Variants in NUP107 observed in about 807,000 individuals in gnomAD.
NUP107 encodes nuclear pore complex protein Nup107.
A neutral mutation model predicts 141.0 loss-of-function variants in NUP107; 101 were observed. The observed-to-expected ratio is 0.72, with a 90% CI of 0.61 to 0.84. NUP107 has a LOEUF of 0.84. NUP107 is among the 40% of genes least tolerant of loss of function. The probability of loss-of-function intolerance (pLI) is 0.00; values close to 1 mark genes in which losing one functional copy is unlikely to be tolerated. For missense variants in NUP107, 941 were observed against 1,102.7 expected (o/e 0.85, Z 2.08); for synonymous variants, 319 against 363.9 (o/e 0.88, Z 1.41).
Position 68,702,757 on chromosome 12 carries a change from A to G in NUP107, c.702A>G (p.Leu234=). 1 of 1,548,628 alleles carries G rather than the reference A, an allele frequency of 6.5e-7. No individual in the cohort carries two copies. Among genetic ancestry groups the G allele is most frequent in the South Asian group, 1.3e-5 (1 of 79,498 alleles). Residue 234 remains leucine (L), a synonymous_variant, in exon 8 of 28, where the codon TTA becomes TTG. Transcript: ENST00000229179. ...SLYRDRIQSA[L]EEESVFAVTA... is the part of the protein sequence containing the mutation. ...CCAGAGACAGAATACAGTCTGCATT[A>G]GAAGAGGAAAGTGTATTCGCAGTTA...
chr12:68,725,837 G>GTTTTTTTTTTTTT, intron 18 of NUP107, 41 bp downstream of exon 18: 1 of 620,186 alleles, frequency 1.6e-6, no homozygotes, highest in African/African-American at 2.2e-5. Flanking sequence ...TTTTGTGTGT[G>GTTTTTTTTTTTTT]TTTTTTTTTT....
intron 17 of NUP107, among the ~76,000 whole-genome samples, chr12:68,724,268 G>C (rs1877467037): frequency 6.6e-6 from 1 of 151,818 alleles, no homozygotes; most frequent in Non-Finnish European, 1.5e-5. Context: ...AATTAATCCA[G>C]GGTTTCAAGC....
At chr12:68,706,592 T>C (rs1007461539) in intron 8 of NUP107, 3 of 692,616 alleles carry the variant, frequency 4.3e-6, no homozygotes, top group African/African-American at 1.8e-5. Context: ...AGGATGAGAT[T>C]GAGGGCCTCA....
intron 17 of NUP107, 133 bp from the exon 18 acceptor site, chr12:68,725,594 C>A: frequency 1.7e-6 from 1 of 577,282 alleles, no homozygotes; most frequent in Non-Finnish European, 3.0e-6. Flanking sequence ...TTTGATCTTT[C>A]TAAGGCCCTT....
rs188470121 is a variant in NUP107, at chr12:68,698,707, A to G, written c.552+1785A>G. The stretch of plus-strand genomic sequence containing the variant: ...ATTTGAAAAGGCTACATATTATATG[A>G]TTACAACTATATGACATTCTGGAAA... On this transcript the variant is annotated intron_variant, in intron 6 of 27. Transcript: ENST00000229179. Among the ~76,000 whole-genome samples the G allele has an allele frequency of 3.3e-5, 5 of 152,334 alleles. No homozygotes were observed. The East Asian group carries it at 7.7e-4, about 23-fold the overall frequency.
intron 5 of NUP107, 32 bp downstream of exon 5, chr12:68,692,144 C>T (rs897927519): frequency 4.6e-6 from 7 of 1,536,180 alleles, no homozygotes; most frequent in Non-Finnish European, 6.1e-6. Flanking sequence ...TGACAAGTAG[C>T]TTTTCACTTT....
chr12:68,700,606 G>T (rs1368818330), intron 6 of NUP107, 120 bp from the exon 7 acceptor site: 3 of 560,686 alleles, frequency 5.4e-6, no homozygotes, highest in African/African-American at 2.0e-5. Context: ...AATAGAGAAG[G>T]CAATTTTATA....
At chr12:68,727,426 C>T in intron 20 of NUP107, 37 bp downstream of exon 20, 1 of 1,231,862 alleles carries the variant, frequency 8.1e-7, no homozygotes, top group Non-Finnish European at 1.2e-6. Context: ...TTGTTTTTTA[C>T]TATTTTAATG....
chr12:68,700,913 T>C, intron 7 of NUP107, 60 bp downstream of exon 7: 1 of 1,436,940 alleles, frequency 7.0e-7, no homozygotes, highest in Non-Finnish European at 9.2e-7. Flanking sequence ...AACAGGCAAA[T>C]TAATTTAAAA....
At chr12:68,716,939 C>A (rs2136027117) in intron 12 of NUP107, among the ~76,000 whole-genome samples, 1 of 152,082 alleles carries the variant, frequency 6.6e-6, no homozygotes, top group South Asian at 2.1e-4. Flanking sequence ...GCTCTGTCAC[C>A]CAGGCTGGAG....
intron 20 of NUP107, among the ~76,000 whole-genome samples, chr12:68,728,719 CTT>C (rs34454032): frequency 4.6e-5 from 6 of 131,000 alleles, no homozygotes; most frequent in East Asian, 2.2e-4. Flanking sequence ...CTGGACCTGT[CTT>C]TTTTTTTTTT....
In NUP107 at chr12:68,715,634, A is replaced by T. The variant is rs770246708; in HGVS notation, c.977A>T (p.Asp326Val). The change falls in exon 12 of 28, where the codon GAT (aspartate) becomes GTT (valine). Residue 326 changes from aspartate to valine, a missense_variant. Transcript: ENST00000229179. Reference protein sequence around the residue: ...VRPLVTELDPDAPIRQKMPLD... With the variant: ...VRPLVTELDPVAPIRQKMPLD... ...TTTTTTTTCTTCTTACAGGACCCTG[A>T]TGCTCCCATAAGACAGAAAATGCCC... is the stretch of plus-strand genomic sequence containing the variant. The T allele has an allele frequency of 2.5e-6, 4 of 1,602,534 alleles. No homozygotes were observed. Among genetic ancestry groups the T allele is most frequent in the Non-Finnish European group, 8.5e-7 (1 of 1,169,628 alleles).
intron 11 of NUP107, among the ~76,000 whole-genome samples, chr12:68,714,743 A>G (rs1877025516): frequency 1.3e-5 from 2 of 152,250 alleles, no homozygotes; most frequent in Admixed American, 1.3e-4. Flanking sequence ...TTAGAAGCAC[A>G]TGGAAAAAAG....
Position 68,696,093 on chromosome 12 carries a change from C to T in NUP107, c.449-726C>T, listed in dbSNP as rs902693613. Among the ~76,000 whole-genome samples the T allele has an allele frequency of 4.0e-5, 6 of 151,696 alleles. No homozygotes were observed. The South Asian group carries it at 6.2e-4, about 16-fold the overall frequency. On this transcript the variant is annotated intron_variant, in intron 5 of 27. Coordinates refer to ENST00000229179, the MANE Select transcript of NUP107 (RefSeq NM_020401.4). ...TTAAAAAAAATTTTGAGGCTGGGTG[C>T]GGTGGCTCACGCTTATAATCCCAAC...
In NUP107 at chr12:68,719,444, A is replaced by C; in HGVS notation, c.1174+13A>C. 6.2e-7 allele frequency: 1 copy of C among 1,609,682 alleles called. No homozygotes were observed. Among genetic ancestry groups the C allele is most frequent in the Non-Finnish European group, 8.5e-7 (1 of 1,176,180 alleles). ...AATGTTAATGGAGGTATTTTAGTAGATTTTATTCTGACAGTTGAGGACAAA... is the reference window on the plus strand; with the variant it reads ...AATGTTAATGGAGGTATTTTAGTAGCTTTTATTCTGACAGTTGAGGACAAA... On this transcript the variant is annotated intron_variant, in intron 13 of 27. Coordinates refer to ENST00000229179, the MANE Select transcript of NUP107 (RefSeq NM_020401.4).
In NUP107 at chr12:68,715,749, T is replaced by C. The variant is rs201959268; in HGVS notation, c.1083+9T>C. ...CTGGAATGACAGAAGAGGTCAGTCA[T>C]GTATACCCTTCTTGTCTAATTTCAA... On this transcript the variant is annotated intron_variant, in intron 12 of 27. Coordinates refer to ENST00000229179, the MANE Select transcript of NUP107 (RefSeq NM_020401.4). 4 of 1,499,750 alleles carry C rather than the reference T, an allele frequency of 2.7e-6. No homozygotes were observed. Among genetic ancestry groups the C allele is most frequent in the East Asian group, 2.3e-5 (1 of 44,300 alleles). The allele number at this position is 1,499,750 out of a possible 1,614,324, so 92.9% of individuals were successfully genotyped here.
Position 68,726,620 on chromosome 12 carries a change from A to G in NUP107, c.1695+3A>G, listed in dbSNP as rs1337602669. 4 of 1,561,836 alleles carry G rather than the reference A, an allele frequency of 2.6e-6. No individual in the cohort carries two copies. The Admixed American group carries it at 6.7e-5, about 26-fold the overall frequency. ...GTACTCTGGGACTACAGACCAAGGT[A>G]TATAAAAATGAACGATTTCTTCTTC... is the stretch of plus-strand genomic sequence containing the variant. On this transcript the variant is annotated splice_donor_region_variant and intron_variant, in intron 19 of 27. Transcript: ENST00000229179.
At position 68,742,618 on chromosome 12, in the gene NUP107, G is replaced by A; in HGVS notation, c.*156G>A. ...ATTATCGTGACACTTTCAACATGTA[G>A]GGATATCAGCGTTTCTCTGTGTGCT... On this transcript the variant is annotated 3_prime_UTR_variant, in exon 28 of 28. Coordinates refer to ENST00000229179, the MANE Select transcript of NUP107 (RefSeq NM_020401.4). 2.4e-6 allele frequency: 1 copy of A among 408,168 alleles called. No homozygotes were observed. Among genetic ancestry groups the A allele is most frequent in the South Asian group, 6.2e-5 (1 of 16,052 alleles). The allele number at this position is 408,168 out of a possible 1,614,324, so 25.3% of individuals were successfully genotyped here. A position where few individuals can be genotyped will look rare whatever the true frequency, so the allele number is the denominator to read the frequency against.
intron 15 of NUP107, 22 bp from the exon 16 acceptor site, chr12:68,721,819 C>T: frequency 1.9e-6 from 3 of 1,606,030 alleles, no homozygotes; most frequent in Non-Finnish European, 2.5e-6. Context: ...CTATATGTTT[C>T]TGTTTTGTAA....
Sources: allele counts gnomAD v4.1 joint callset (sites outside exome capture counted in the v4.1 genomes callset), GRCh38; gene constraint gnomAD v4.1.1; transcripts MANE v1.5; gene names NCBI Gene and HGNC (gene_info 2026-07-23, HGNC 2026-07-21).